The following UBAP1 variants were observed in gnomAD, a reference collection of about 807,000 sequenced individuals.
UBAP1 encodes ubiquitin associated protein 1, also known as ubiquitin-associated protein 1.
In UBAP1, 5 loss-of-function variants were observed where a neutral mutation model predicts 39.0. That is an observed-to-expected ratio of 0.13 (90% CI 0.07 to 0.27). The LOEUF (loss-of-function observed/expected upper bound fraction) is 0.27. Among genes scored for constraint, UBAP1 ranks in the 10% least tolerant of loss-of-function variants. The pLI is 1.00. For synonymous variants in UBAP1, 211 were observed against 225.1 expected, an observed-to-expected ratio of 0.94 and a Z score of 0.56; for missense variants, 490 against 608.1, an observed-to-expected ratio of 0.81 and a Z score of 2.04.
chr9:34,212,025 C>T (rs921643706), intron 1 of UBAP1: 10 of 425,424 alleles, frequency 2.4e-5, no homozygotes, highest in Admixed American at 2.3e-4. Flanking sequence ...GTGTTCCAAT[C>T]CATACCACCA....
intron 1 of UBAP1, among the ~76,000 whole-genome samples, chr9:34,209,701 T>C (rs2131552441): frequency 1.6e-5 from 1 of 61,014 alleles, no homozygotes; most frequent in Non-Finnish European, 4.0e-5. Context: ...ATTAGTTACC[T>C]ATTTTTTTTT....
At chr9:34,188,657 C>G (rs975009795) in intron 1 of UBAP1, among the ~76,000 whole-genome samples, 1 of 151,994 alleles carries the variant, frequency 6.6e-6, no homozygotes, top group African/African-American at 2.4e-5. Context: ...ATTGGAAACT[C>G]AAGATTAGTC....
chr9:34,218,211 C>T (rs1220486504), intron 1 of UBAP1, among the ~76,000 whole-genome samples: 1 of 119,656 alleles, frequency 8.4e-6, no homozygotes, highest in Non-Finnish European at 1.6e-5. Context: ...GAGATCATGC[C>T]ACTGCACTCC....
intron 2 of UBAP1, among the ~76,000 whole-genome samples, chr9:34,230,293 T>C (rs2131599865): frequency 6.6e-6 from 1 of 152,294 alleles, no homozygotes; most frequent in East Asian, 1.9e-4. Context: ...CTCGAACTCC[T>C]GACCTCATGA....
At position 34,241,806 on chromosome 9, in the gene UBAP1, A is replaced by C; in HGVS notation, c.781A>C (p.Ser261Arg). ...GTCCCTCCCCCCTATACCTGCAGTA[A>C]GCAATATCAAATCCCTGTCTTTCCC... ...KVSLPPIPAV[S>R]NIKSLSFPKL... The change falls in exon 4 of 7, where the codon AGC (serine) becomes CGC (arginine). Residue 261 changes from serine (S) to arginine (R), a missense_variant. Ser to Arg is a moderately radical substitution (Grantham distance 110). Around this residue, in one of 3 missense-constraint regions of UBAP1, gnomAD observed 339 missense variants for 390.0 expected, o/e 0.87. Transcript: ENST00000297661. 6.2e-7 allele frequency: 1 copy of C among 1,614,114 alleles called. No individual in the cohort carries two copies. Among genetic ancestry groups the C allele is most frequent in the Non-Finnish European group, 8.5e-7 (1 of 1,180,030 alleles).
chr9:34,185,845 CAAAA>C (rs1276699490), intron 1 of UBAP1, among the ~76,000 whole-genome samples: 3 of 151,900 alleles, frequency 2.0e-5, no homozygotes, highest in South Asian at 2.1e-4. Flanking sequence ...ATCTCTGTCT[CAAAA>C]AAAGAAAAAC....
chr9:34,217,549 G>T (rs1198134233), intron 1 of UBAP1, among the ~76,000 whole-genome samples: 1 of 150,968 alleles, frequency 6.6e-6, no homozygotes, highest in Non-Finnish European at 1.5e-5. Context: ...GGCGGTGGTG[G>T]TTTTTTTAAT....
intron 2 of UBAP1, among the ~76,000 whole-genome samples, chr9:34,226,119 G>GTT (rs1833053765): frequency 1.9e-4 from 19 of 97,510 alleles, no homozygotes; most frequent in African/African-American, 5.6e-4. Flanking sequence ...GTGTGTGTGT[G>GTT]TGTGTGTGTG....
At chr9:34,221,442 A>G (rs532800829) in intron 2 of UBAP1, among the ~76,000 whole-genome samples, 1 of 151,850 alleles carries the variant, frequency 6.6e-6, no homozygotes, top group East Asian at 1.9e-4. Context: ...GGGCAGAAGA[A>G]TGGCGTGAAC....
intron 1 of UBAP1, among the ~76,000 whole-genome samples, chr9:34,208,489 AAAAATTAGC>A (rs1831834601): frequency 6.6e-6 from 1 of 150,414 alleles, no homozygotes; most frequent in South Asian, 2.1e-4. Flanking sequence ...CTAAAAATAA[AAAAATTAGC>A]CGGGCGCGGT....
chr9:34,215,919 C>T (rs930235091), intron 1 of UBAP1, among the ~76,000 whole-genome samples: 18 of 151,868 alleles, frequency 1.2e-4, no homozygotes, highest in African/African-American at 4.1e-4. Context: ...ATAGATTTCT[C>T]ATATTCTTAA....
In UBAP1 at chr9:34,241,193, C is replaced by T. The variant is rs1004369924; in HGVS notation, c.168C>T (p.Phe56=). ...LQVVREVQYD[F]SLEKKTIEWA... ...CTGCTATATCTTTGCAGTATGACTT[C>T]TCTTTGGAAAAGAAAACCATTGAGT... The change falls in exon 4 of 7, where the codon TTC becomes TTT. Residue 56 remains phenylalanine, a synonymous_variant. Coordinates refer to ENST00000297661, the MANE Select transcript of UBAP1 (RefSeq NM_016525.5). 1 of 1,469,184 alleles carries T rather than the reference C, an allele frequency of 6.8e-7. No individual in the cohort carries two copies. The highest frequency in any genetic ancestry group is 9.0e-7 in the Non-Finnish European group (1 of 1,109,690). The allele number at this position is 1,469,184 out of a possible 1,614,324, so 91.0% of individuals were successfully genotyped here.
At chr9:34,250,800 AG>A in intron 6 of UBAP1, 41 bp downstream of exon 6, 1 of 1,550,134 alleles carries the variant, frequency 6.5e-7, no homozygotes, top group Non-Finnish European at 8.9e-7. Context: ...CTGGAAAAGG[AG>A]GGACCAAGTA....
intron 1 of UBAP1, among the ~76,000 whole-genome samples, chr9:34,207,950 G>T (rs1271431939): frequency 6.6e-6 from 1 of 152,106 alleles, no homozygotes; most frequent in East Asian, 1.9e-4. Flanking sequence ...AAGCAATTGT[G>T]ATAATAATGG....
chr9:34,245,513 T>C (rs879262298), intron 4 of UBAP1, among the ~76,000 whole-genome samples: 1 of 388 alleles, frequency 2.6e-3, no homozygotes, highest in South Asian at 0.056. Context: ...TGTTGGGGAA[T>C]GCTGGTGTGT....
intron 4 of UBAP1, among the ~76,000 whole-genome samples, chr9:34,244,179 C>CCCCTA (rs1180959880): frequency 2.0e-4 from 30 of 152,228 alleles, no homozygotes; most frequent in African/African-American, 7.2e-4. Context: ...CTATTAACCA[C>CCCCTA]CAGCCCCCGA....
At chr9:34,229,327 G>A (rs1403091040) in intron 2 of UBAP1, among the ~76,000 whole-genome samples, 2 of 149,858 alleles carry the variant, frequency 1.3e-5, no homozygotes, top group Non-Finnish European at 3.0e-5. Context: ...ACGTGATCTT[G>A]GCTCACTGCA....
chr9:34,192,990 T>A (rs190795464), intron 1 of UBAP1, among the ~76,000 whole-genome samples: 3 of 152,148 alleles, frequency 2.0e-5, no homozygotes, highest in Admixed American at 2.0e-4. Flanking sequence ...AAATCTTTGC[T>A]ATTCTTTATG....
At chr9:34,242,684 T>G (rs1299947430) in intron 4 of UBAP1, among the ~76,000 whole-genome samples, 1 of 151,756 alleles carries the variant, frequency 6.6e-6, no homozygotes, top group African/African-American at 2.4e-5. Context: ...GCCACCACAC[T>G]CAGCTAATTT....
Sources: allele counts gnomAD v4.1 joint callset (sites outside exome capture counted in the v4.1 genomes callset), GRCh38; gene constraint gnomAD v4.1.1; regional missense constraint gnomAD v4.1.1; transcripts MANE v1.5; gene names NCBI Gene and HGNC (gene_info 2026-07-23, HGNC 2026-07-21).